The following HS3ST5 variants were observed in gnomAD, a reference collection of about 807,000 sequenced individuals.
HS3ST5 encodes the protein heparan sulfate-glucosamine 3-sulfotransferase 5.
A neutral mutation model predicts 25.4 loss-of-function variants in HS3ST5; 10 were observed. The ratio of observed to expected loss-of-function variants is 0.39; its 90% CI spans 0.24 to 0.67. The LOEUF (loss-of-function observed/expected upper bound fraction) is 0.67. HS3ST5 is among the 30% of genes least tolerant of loss of function. The pLI, the probability that HS3ST5 is intolerant of heterozygous loss-of-function variation, is 0.44. For missense variants in HS3ST5, 324 were observed against 420.7 expected, an observed-to-expected ratio of 0.77 and a Z score of 2.01; for synonymous variants, 170 against 162.4, an observed-to-expected ratio of 1.05 and a Z score of -0.36.
At chr6:114,193,352 T>C (rs1044468220) in intron 2 of HS3ST5, among the ~76,000 whole-genome samples, 3 of 152,134 alleles carry the variant, frequency 2.0e-5, no homozygotes, top group African/African-American at 7.2e-5. Context: ...GAACCATATT[T>C]TGAAGGATAT....
intron 2 of HS3ST5, among the ~76,000 whole-genome samples, chr6:114,224,061 T>C (rs975238406): frequency 6.6e-6 from 1 of 151,608 alleles, no homozygotes; most frequent in Admixed American, 6.6e-5. Flanking sequence ...TGTTAGTAAA[T>C]GCTTTTGGGC....
intron 3 of HS3ST5, among the ~76,000 whole-genome samples, chr6:114,072,480 A>C (rs1017037705): frequency 1.3e-5 from 2 of 152,118 alleles, no homozygotes; most frequent in African/African-American, 2.4e-5. Flanking sequence ...AAAGGTAATA[A>C]ATTTGAAAAA....
chr6:114,093,606 T>C (rs890775768), intron 3 of HS3ST5, among the ~76,000 whole-genome samples: 5 of 152,122 alleles, frequency 3.3e-5, no homozygotes, highest in African/African-American at 4.8e-5. Flanking sequence ...CTTTCTCCTT[T>C]TCTTTTCTAT....
At chr6:114,073,229 G>T (rs545738282) in intron 3 of HS3ST5, among the ~76,000 whole-genome samples, 2 of 152,260 alleles carry the variant, frequency 1.3e-5, no homozygotes, top group African/African-American at 4.8e-5. Context: ...ACATAGGCAT[G>T]GGCAAAGACT....
intron 2 of HS3ST5, among the ~76,000 whole-genome samples, chr6:114,206,811 T>C (rs1370210446): frequency 6.6e-6 from 1 of 152,192 alleles, no homozygotes; most frequent in East Asian, 1.9e-4. Flanking sequence ...CTATAAGTTT[T>C]ATTTAATCCT....
intron 1 of HS3ST5, among the ~76,000 whole-genome samples, chr6:114,265,784 G>T (rs1042472783): frequency 6.6e-6 from 1 of 151,794 alleles, no homozygotes; most frequent in Non-Finnish European, 1.5e-5. Context: ...CTCTTTCCTG[G>T]TTCTTTTCTG....
intron 3 of HS3ST5, among the ~76,000 whole-genome samples, chr6:114,127,668 C>G (rs969756393): frequency 2.6e-5 from 4 of 152,004 alleles, no homozygotes; most frequent in African/African-American, 9.7e-5. Flanking sequence ...CTGAAAGAAG[C>G]CAGGCATACA....
chr6:114,102,926 A>C (rs936685269), intron 3 of HS3ST5, among the ~76,000 whole-genome samples: 4 of 152,226 alleles, frequency 2.6e-5, no homozygotes, highest in Admixed American at 6.5e-5. Context: ...CTACACTTCC[A>C]GATGACTTTA....
At chr6:114,310,357 G>T (rs1377322100) in intron 1 of HS3ST5, among the ~76,000 whole-genome samples, 1 of 152,104 alleles carries the variant, frequency 6.6e-6, no homozygotes, top group Non-Finnish European at 1.5e-5. Flanking sequence ...TTTTTTTTCA[G>T]AGAGATATGA....
At chr6:114,191,942 A>G (rs930342659) in intron 2 of HS3ST5, among the ~76,000 whole-genome samples, 2 of 152,204 alleles carry the variant, frequency 1.3e-5, no homozygotes, top group Non-Finnish European at 2.9e-5. Context: ...GTTACCTTGA[A>G]TTCTGTTGGC....
At chr6:114,062,630 G>A (rs573972466) in intron 4 of HS3ST5, 109 bp downstream of exon 4, 2 of 670,438 alleles carry the variant, frequency 3.0e-6, no homozygotes, top group African/African-American at 3.6e-5. Context: ...ATGTTTCCTG[G>A]GAATTTCGAA....
At chr6:114,184,069 T>C (rs1780094636) in intron 2 of HS3ST5, among the ~76,000 whole-genome samples, 1 of 137,150 alleles carries the variant, frequency 7.3e-6, no homozygotes, top group Admixed American at 7.2e-5. Context: ...TTTTTTTTTT[T>C]TTTTTTTTTT....
At chr6:114,086,417 A>T (rs1774829063) in intron 3 of HS3ST5, among the ~76,000 whole-genome samples, 1 of 152,208 alleles carries the variant, frequency 6.6e-6, no homozygotes, top group Admixed American at 6.5e-5. Flanking sequence ...CCTAGTCAAT[A>T]GCCAGCAAGA....
chr6:114,341,869 C>T (rs1776893544), intron 1 of HS3ST5, among the ~76,000 whole-genome samples: 1 of 152,132 alleles, frequency 6.6e-6, no homozygotes, highest in Admixed American at 6.5e-5. Flanking sequence ...TGTTCCCTTT[C>T]TCCCTCAAAG....
intron 1 of HS3ST5, among the ~76,000 whole-genome samples, chr6:114,231,004 A>G (rs1038544314): frequency 6.6e-6 from 1 of 152,114 alleles, no homozygotes; most frequent in Non-Finnish European, 1.5e-5. Context: ...GTTCCTGCCC[A>G]AATCCTATGG....
intron 3 of HS3ST5, among the ~76,000 whole-genome samples, chr6:114,072,333 C>T (rs951438763): frequency 8.6e-5 from 13 of 151,982 alleles, no homozygotes; most frequent in African/African-American, 3.1e-4. Flanking sequence ...TATATTTTAA[C>T]ACAGATGGTA....
At chr6:114,260,779 G>A (rs1030807275) in intron 1 of HS3ST5, among the ~76,000 whole-genome samples, 4 of 152,244 alleles carry the variant, frequency 2.6e-5, no homozygotes, top group Non-Finnish European at 4.4e-5. Context: ...GGACAGAGTT[G>A]AGAAAGCATG....
At position 114,324,167 on chromosome 6, in the gene HS3ST5, C is replaced by A. The variant is rs184201738; in HGVS notation, c.-339+18028G>T. Among the ~76,000 whole-genome samples the A allele has an allele frequency of 2.0e-5, 3 of 152,304 alleles. No individual in the cohort carries two copies. The East Asian group carries it at 5.8e-4, about 29-fold the overall frequency. ...ATAAAAATGCTTACCCACTGTGGTTCCCTTTTAGACAACAGGGCTGCCAGG... is the reference window on the plus strand; with the variant it reads ...ATAAAAATGCTTACCCACTGTGGTTACCTTTTAGACAACAGGGCTGCCAGG... On this transcript the variant is annotated intron_variant, in intron 1 of 4. Coordinates refer to ENST00000312719, the MANE Select transcript of HS3ST5 (RefSeq NM_153612.4).
intron 1 of HS3ST5, among the ~76,000 whole-genome samples, chr6:114,292,911 A>G (rs2114780379): frequency 6.6e-6 from 1 of 151,964 alleles, no homozygotes; most frequent in African/African-American, 2.4e-5. Flanking sequence ...TTTGTATCAT[A>G]TTTTAGTATT....
Sources: allele counts gnomAD v4.1 joint callset (sites outside exome capture counted in the v4.1 genomes callset), GRCh38; gene constraint gnomAD v4.1.1; transcripts MANE v1.5; gene names NCBI Gene and HGNC (gene_info 2026-07-23, HGNC 2026-07-21).